Variants in ZNF680 observed in about 807,000 individuals in gnomAD.
The protein encoded by ZNF680 is zinc finger protein 680.
Under a neutral mutation model 12.1 loss-of-function variants are expected in ZNF680, and 6 were observed. That is an observed-to-expected ratio of 0.49 (90% CI 0.27 to 0.98). The LOEUF is 0.98. Ranked by LOEUF, ZNF680 falls within the 50% of genes least tolerant of loss-of-function variation. The pLI, the probability that ZNF680 is intolerant of heterozygous loss-of-function variation, is 0.12. For synonymous variants in ZNF680, 170 were observed against 199.3 expected (o/e 0.85, Z 1.24); for missense variants, 561 against 616.3 (o/e 0.91, Z 0.95).
rs1786858077 is a variant in ZNF680, at chr7:64,547,712, A to T, written c.31-3280T>A. 2.0e-5 allele frequency among the ~76,000 whole-genome samples: 3 copies of T among 152,326 alleles called. No homozygotes were observed. In the South Asian group the frequency reaches 6.2e-4, roughly 32 times the overall value. On this transcript the variant is annotated intron_variant, in intron 1 of 3. Transcript: ENST00000309683. Reference sequence around the variant, plus strand: ...AAAAGCTTAATGTAATTTAGAAAAAATTTTTATTGTGTTTATATTTACTTT... The same window carrying T: ...AAAAGCTTAATGTAATTTAGAAAAATTTTTTATTGTGTTTATATTTACTTT...
At chr7:64,558,266 A>C (rs1192884754) in intron 1 of ZNF680, among the ~76,000 whole-genome samples, 2 of 152,146 alleles carry the variant, frequency 1.3e-5, no homozygotes, top group East Asian at 3.8e-4. Flanking sequence ...TTGGCAAAAA[A>C]AAACACTAGG....
chr7:64,544,465 C>A (rs759122933), intron 1 of ZNF680, 33 bp from the exon 2 acceptor site: 1 of 1,585,986 alleles, frequency 6.3e-7, no homozygotes, highest in East Asian at 2.3e-5. Context: ...CACACACACA[C>A]ACACACTTAT....
chr7:64,561,934 C>CAAAAAAAAAAAAAAAAAAAAAAAAAAA (rs1187872173), intron 1 of ZNF680, among the ~76,000 whole-genome samples: 6 of 80,314 alleles, frequency 7.5e-5, no homozygotes, highest in Non-Finnish European at 1.3e-4. Flanking sequence ...GACTCCGTCT[C>CAAAAAAAAAAAAAAAAAAAAAAAAAAA]AAAAAAAAAA....
At chr7:64,558,246 T>C (rs1427492428) in intron 1 of ZNF680, among the ~76,000 whole-genome samples, 1 of 152,096 alleles carries the variant, frequency 6.6e-6, no homozygotes, top group East Asian at 1.9e-4. Flanking sequence ...ATAAACACTT[T>C]TGTGGATTTT....
chr7:64,508,209 A>G, the ZNF680 span, among the ~76,000 whole-genome samples: 5 of 147,250 alleles, frequency 3.4e-5, no homozygotes, highest in African/African-American at 1.0e-4. Flanking sequence ...CAGTCGTGCA[A>G]TCTCAGCTCA....
At chr7:64,549,844 G>A (rs57198153) in intron 1 of ZNF680, among the ~76,000 whole-genome samples, 40,292 of 151,998 alleles carry the variant, frequency 0.27, 5,542 homozygotes, top group East Asian at 0.41. Flanking sequence ...TCAGCTGGGC[G>A]TGGTGGCACG....
Position 64,544,434 on chromosome 7 carries a change from TG to T in ZNF680, c.31-3del. On this transcript the variant is annotated splice_region_variant and splice_polypyrimidine_tract_variant and intron_variant, in intron 1 of 3. Coordinates refer to ENST00000309683, the MANE Select transcript of ZNF680 (RefSeq NM_178558.5). ...CACATCCCTAAATGTCAGTGGTCCC[TG>T]AAAAACACACACACACACACACACA... 1 of 1,566,138 alleles carries T rather than the reference TG, an allele frequency of 6.4e-7. No individual in the cohort carries two copies. The highest frequency in any genetic ancestry group is 8.6e-7 in the Non-Finnish European group (1 of 1,161,348).
the ZNF680 span, among the ~76,000 whole-genome samples, chr7:64,505,091 A>C: frequency 6.6e-6 from 1 of 152,226 alleles, no homozygotes; most frequent in Non-Finnish European, 1.5e-5. Flanking sequence ...AGAATTTTAG[A>C]TTTTAAAAGG....
the ZNF680 span, among the ~76,000 whole-genome samples, chr7:64,502,263 G>T: frequency 2.0e-5 from 3 of 151,898 alleles, no homozygotes; most frequent in Admixed American, 6.6e-5. Flanking sequence ...CACCCGCCTC[G>T]GCCTCTCAAA....
chr7:64,562,249 AAT>A (rs1231832757), intron 1 of ZNF680, among the ~76,000 whole-genome samples: 1 of 151,982 alleles, frequency 6.6e-6, no homozygotes, highest in African/African-American at 2.4e-5. Flanking sequence ...AAAAAAAAAA[AAT>A]CTAACTCAAA....
intron 3 of ZNF680, chr7:64,525,715 A>G (rs1791802741): frequency 1.2e-6 from 1 of 838,446 alleles, no homozygotes; most frequent in Middle Eastern, 6.1e-4. Flanking sequence ...TACCTAAAAG[A>G]GATTATGATC....
At chr7:64,547,048 T>A (rs10230066) in intron 1 of ZNF680, among the ~76,000 whole-genome samples, 102,041 of 151,978 alleles carry the variant, frequency 0.67, 35,113 homozygotes, top group African/African-American at 0.83. Context: ...TAAGATTTTT[T>A]AAATTGGCCA....
At chr7:64,519,218 G>C (rs1791417457), downstream of ZNF680, among the ~76,000 whole-genome samples, 1 of 151,894 alleles carries the variant, frequency 6.6e-6, no homozygotes, top group Non-Finnish European at 1.5e-5. Flanking sequence ...TATACGAATG[G>C]CCAAGAAACA....
chr7:64,510,916 A>AAAAAAAT, the ZNF680 span, among the ~76,000 whole-genome samples: 5 of 79,776 alleles, frequency 6.3e-5, 1 homozygote, highest in Admixed American at 2.8e-4. Context: ...TCTCAAAAAA[A>AAAAAAAT]AAAAATAAAA....
chr7:64,505,547 G>A, the ZNF680 span, among the ~76,000 whole-genome samples: 7 of 152,166 alleles, frequency 4.6e-5, no homozygotes, highest in African/African-American at 7.2e-5. Context: ...GTGCAGACAT[G>A]CTGATTTAAT....
the ZNF680 span, among the ~76,000 whole-genome samples, chr7:64,514,175 T>A: frequency 6.6e-6 from 1 of 152,186 alleles, no homozygotes; most frequent in Non-Finnish European, 1.5e-5. Context: ...TCCTGGGGCA[T>A]CCAAAACAGA....
intron 1 of ZNF680, among the ~76,000 whole-genome samples, chr7:64,551,341 G>C (rs1258516395): frequency 6.6e-6 from 1 of 152,042 alleles, no homozygotes; most frequent in African/African-American, 2.4e-5. Flanking sequence ...CCAAGCGTTG[G>C]ACTACAGCAC....
chr7:64,519,246 C>T (rs73128757), downstream of ZNF680, among the ~76,000 whole-genome samples: 34,259 of 151,830 alleles, frequency 0.23, 4,058 homozygotes, highest in South Asian at 0.28. Context: ...ACTTGCTCAA[C>T]ATCTCTAATT....
At chr7:64,537,405 A>T (rs1339504472) in intron 3 of ZNF680, among the ~76,000 whole-genome samples, 1 of 152,196 alleles carries the variant, frequency 6.6e-6, no homozygotes, top group Non-Finnish European at 1.5e-5. Context: ...TTTTGTTAAG[A>T]TGTCAATATA....
Sources: allele counts gnomAD v4.1 joint callset (sites outside exome capture counted in the v4.1 genomes callset), GRCh38; gene constraint gnomAD v4.1.1; transcripts MANE v1.5; gene names NCBI Gene and HGNC (gene_info 2026-07-23, HGNC 2026-07-21).